The following ZCCHC7 variants were observed in gnomAD, a reference collection of about 807,000 sequenced individuals.
ZCCHC7 encodes the protein zinc finger CCHC domain-containing protein 7.
Under a neutral mutation model 52.0 loss-of-function variants are expected in ZCCHC7, and 35 were observed. The observed-to-expected ratio is 0.67, with a 90% CI of 0.51 to 0.89. The LOEUF (loss-of-function observed/expected upper bound fraction) is 0.89, where lower values mean the gene tolerates loss of function less well. Ranked by LOEUF, ZCCHC7 falls within the 40% of genes least tolerant of loss-of-function variation. ZCCHC7 has a pLI of 0.00. For missense variants in ZCCHC7, 574 were observed against 649.1 expected (o/e 0.88, Z 1.26); for synonymous variants, 217 against 221.5 (o/e 0.98, Z 0.18).
intron 2 of ZCCHC7, among the ~76,000 whole-genome samples, chr9:37,195,236 C>T (rs1035496364): frequency 2.0e-5 from 3 of 152,004 alleles, no homozygotes; most frequent in African/African-American, 4.8e-5. Context: ...CGTAAGCCAC[C>T]GCGTCCAGCC....
chr9:37,237,938 A>C (rs1825727451), intron 2 of ZCCHC7, among the ~76,000 whole-genome samples: 1 of 152,180 alleles, frequency 6.6e-6, no homozygotes, highest in Admixed American at 6.5e-5. Flanking sequence ...GTGGTGGGCA[A>C]AACTCATTCC....
At chr9:37,275,771 T>C (rs898788035) in intron 2 of ZCCHC7, among the ~76,000 whole-genome samples, 4 of 152,146 alleles carry the variant, frequency 2.6e-5, no homozygotes, top group Non-Finnish European at 4.4e-5. Context: ...GCGTCCCAAG[T>C]AGCTGAGATT....
At chr9:37,294,643 A>G (rs1273861678) in intron 2 of ZCCHC7, among the ~76,000 whole-genome samples, 1 of 152,168 alleles carries the variant, frequency 6.6e-6, no homozygotes, top group African/African-American at 2.4e-5. Context: ...TCATTAAATT[A>G]TTTACTGGCT....
At chr9:37,224,545 A>T (rs1302104822) in intron 2 of ZCCHC7, among the ~76,000 whole-genome samples, 1 of 152,200 alleles carries the variant, frequency 6.6e-6, no homozygotes, top group East Asian at 1.9e-4. Flanking sequence ...CCAGTATAGG[A>T]CACTAATCTT....
chr9:37,138,000 A>G (rs1012409709), intron 2 of ZCCHC7, among the ~76,000 whole-genome samples: 2 of 152,176 alleles, frequency 1.3e-5, no homozygotes, highest in South Asian at 2.1e-4. Context: ...GCCACATGCT[A>G]GAATTCCAGT....
intron 2 of ZCCHC7, among the ~76,000 whole-genome samples, chr9:37,170,055 A>T (rs1055892874): frequency 1.3e-4 from 19 of 150,418 alleles, no homozygotes; most frequent in Middle Eastern, 3.2e-3. Flanking sequence ...GTGAGATCCT[A>T]TCTCTTAAAA....
rs1821443533 is a variant in ZCCHC7 at position 37,352,517 on chromosome 9, T to TTTTTTTTTTTTTTTTTTTG, written c.1084-2192_1084-2174dup. On this transcript the variant is annotated intron_variant, in intron 7 of 8. Coordinates refer to ENST00000336755, the MANE Select transcript of ZCCHC7 (RefSeq NM_032226.3). ...TGCATAATCACAATTTGCTCTTTTT[T>TTTTTTTTTTTTTTTTTTTG]TTTTTTTTTTTTTTTTTTGAGACAG... 1.4e-5 allele frequency among the ~76,000 whole-genome samples: 2 copies of TTTTTTTTTTTTTTTTTTTG among 138,956 alleles called. 1 individual carries two copies. Among genetic ancestry groups the TTTTTTTTTTTTTTTTTTTG allele is most frequent in the African/African-American group, 5.7e-5 (2 of 34,890 alleles). 91.2% of individuals were successfully genotyped at this position (138,956 alleles called of 152,430 possible). A position where few individuals can be genotyped will look rare whatever the true frequency, so the allele number is the denominator to read the frequency against.
intron 2 of ZCCHC7, among the ~76,000 whole-genome samples, chr9:37,177,575 T>G (rs1179471658): frequency 6.6e-6 from 1 of 152,120 alleles, no homozygotes; most frequent in Non-Finnish European, 1.5e-5. Context: ...TAATGGAGAT[T>G]ATGAAGTTCA....
chr9:37,145,987 GAAT>G (rs1298957546), intron 2 of ZCCHC7, among the ~76,000 whole-genome samples: 7 of 151,848 alleles, frequency 4.6e-5, no homozygotes, highest in African/African-American at 7.2e-5. Context: ...ATCTTTAAGT[GAAT>G]ATACCTGTAG....
chr9:37,218,742 G>C (rs994814271), intron 2 of ZCCHC7, among the ~76,000 whole-genome samples: 17 of 152,212 alleles, frequency 1.1e-4, no homozygotes, highest in South Asian at 2.1e-4. Context: ...CTGGGAGATA[G>C]AGGTTGCAGT....
rs199652692 is a variant in ZCCHC7 at position 37,126,373 on chromosome 9, A to G, written c.41A>G (p.Asp14Gly). The change falls in exon 2 of 9, where the codon GAT (aspartate) becomes GGT (glycine). Residue 14 changes from aspartate (D) to glycine (G), a missense_variant. Physicochemically the swap from Asp to Gly is moderately conservative, Grantham distance 94. This residue lies in a region of ZCCHC7 where 403 missense variants were observed against 461.2 expected (regional missense o/e 0.87). Coordinates refer to ENST00000336755, the MANE Select transcript of ZCCHC7 (RefSeq NM_032226.3). ...GGYETIEAYE[D>G]DLYRDESSSE... ...TATGAGACTATAGAAGCATACGAAG[A>G]TGATCTTTATCGAGATGAGTCATCT... The G allele has an allele frequency of 1.9e-6, 3 of 1,614,076 alleles. No homozygotes were observed. In the East Asian group the frequency reaches 6.7e-5, roughly 36 times the overall value.
chr9:37,182,849 C>T (rs570683024), intron 2 of ZCCHC7, among the ~76,000 whole-genome samples: 2 of 152,280 alleles, frequency 1.3e-5, no homozygotes, highest in African/African-American at 2.4e-5. Flanking sequence ...GAGCCTAGTG[C>T]TGGGCACATG....
chr9:37,219,746 CA>C (rs1824714158), intron 2 of ZCCHC7, among the ~76,000 whole-genome samples: 1 of 152,052 alleles, frequency 6.6e-6, no homozygotes, highest in Admixed American at 6.5e-5. Context: ...CATGTGAGTC[CA>C]AAAGTTTAAA....
At chr9:37,150,360 C>T (rs1208699341) in intron 2 of ZCCHC7, among the ~76,000 whole-genome samples, 4 of 152,182 alleles carry the variant, frequency 2.6e-5, no homozygotes, top group Non-Finnish European at 4.4e-5. Context: ...TGTGGAAGCA[C>T]ATAATTTTTG....
intron 2 of ZCCHC7, among the ~76,000 whole-genome samples, chr9:37,273,714 T>C (rs1172082275): frequency 6.6e-6 from 1 of 152,222 alleles, no homozygotes; most frequent in Non-Finnish European, 1.5e-5. Flanking sequence ...ACTATTTATA[T>C]TGCTGTTTCT....
At chr9:37,195,800 C>T (rs900135974) in intron 2 of ZCCHC7, among the ~76,000 whole-genome samples, 1 of 152,090 alleles carries the variant, frequency 6.6e-6, no homozygotes, top group Non-Finnish European at 1.5e-5. Context: ...TGAGGAGTAA[C>T]TTATACTAGG....
intron 6 of ZCCHC7, among the ~76,000 whole-genome samples, chr9:37,335,067 T>G (rs1432973651): frequency 1.3e-5 from 2 of 152,174 alleles, no homozygotes; most frequent in East Asian, 3.8e-4. Context: ...TATAATTTTG[T>G]AATACATCCA....
chr9:37,244,617 G>GT (rs1227898942), intron 2 of ZCCHC7, among the ~76,000 whole-genome samples: 1 of 151,748 alleles, frequency 6.6e-6, no homozygotes, highest in African/African-American at 2.4e-5. Context: ...TGCCAAGACA[G>GT]TTTTTTCCTG....
chr9:37,161,585 GAAAA>G (rs999147438), intron 2 of ZCCHC7, among the ~76,000 whole-genome samples: 9 of 151,134 alleles, frequency 6.0e-5, no homozygotes, highest in African/African-American at 1.9e-4. Flanking sequence ...AAAAAAAAAA[GAAAA>G]AAAAGTGGCA....
Sources: gnomAD v4.1 joint callset for allele counts (sites outside exome capture counted in the v4.1 genomes callset) on GRCh38, gnomAD v4.1.1 for gene constraint, gnomAD v4.1.1 regional missense constraint, MANE v1.5 for transcripts, NCBI Gene and HGNC (gene_info 2026-07-23, HGNC 2026-07-21) for gene names.